Variants in ATP8A2 observed in about 807,000 individuals in gnomAD.
The protein encoded by ATP8A2 is ATPase phospholipid transporting 8A2.
In ATP8A2, 100 loss-of-function variants were observed where a neutral mutation model predicts 165.6. The ratio of observed to expected loss-of-function variants is 0.60; its 90% CI spans 0.51 to 0.71. The LOEUF (loss-of-function observed/expected upper bound fraction) is 0.71. Among genes scored for constraint, ATP8A2 ranks in the 30% least tolerant of loss-of-function variants. The pLI, the probability that ATP8A2 is intolerant of heterozygous loss-of-function variation, is 0.00. For synonymous variants in ATP8A2, 543 were observed against 548.8 expected (o/e 0.99, Z 0.15); for missense variants, 1,227 against 1,479.5 (o/e 0.83, Z 2.80).
intron 1 of ATP8A2, among the ~76,000 whole-genome samples, chr13:25,401,118 G>C (rs979770557): frequency 1.3e-5 from 2 of 152,036 alleles, no homozygotes; most frequent in Admixed American, 6.5e-5. Context: ...GTGAGTGTGC[G>C]GCACAGCTCG....
At chr13:25,982,334 C>G (rs1211588353) in intron 35 of ATP8A2, among the ~76,000 whole-genome samples, 1 of 152,146 alleles carries the variant, frequency 6.6e-6, no homozygotes, top group South Asian at 2.1e-4. Flanking sequence ...TTTGCATGTT[C>G]CCAATTTATG....
intron 26 of ATP8A2, among the ~76,000 whole-genome samples, 161 bp downstream of exon 26, chr13:25,769,390 G>A (rs1472287183): frequency 6.6e-6 from 1 of 152,188 alleles, no homozygotes; most frequent in Admixed American, 6.5e-5. Flanking sequence ...CTCTGTAGTT[G>A]TGATCTTGTG....
chr13:25,575,724 T>TA (rs1335309310), intron 19 of ATP8A2, among the ~76,000 whole-genome samples: 1 of 152,106 alleles, frequency 6.6e-6, no homozygotes, highest in African/African-American at 2.4e-5. Flanking sequence ...GATGGCTGAT[T>TA]ACGGTGGTGG....
At chr13:25,431,504 G>GC (rs1180258408) in intron 1 of ATP8A2, among the ~76,000 whole-genome samples, 1 of 151,896 alleles carries the variant, frequency 6.6e-6, no homozygotes, top group African/African-American at 2.4e-5. Context: ...TTCGGCGGCG[G>GC]GGGGGGAATC....
intron 23 of ATP8A2, among the ~76,000 whole-genome samples, chr13:25,582,464 T>C (rs2039802457): frequency 6.6e-6 from 1 of 152,242 alleles, no homozygotes; most frequent in African/African-American, 2.4e-5. Context: ...CTGCCGTTGT[T>C]AAAGGAGCAC....
chr13:25,593,755 T>C (rs891452467), intron 24 of ATP8A2, among the ~76,000 whole-genome samples: 22 of 152,234 alleles, frequency 1.4e-4, no homozygotes, highest in Non-Finnish European at 2.2e-4. Flanking sequence ...GATTTGCTTT[T>C]AGCCAATTGT....
intron 10 of ATP8A2, 126 bp downstream of exon 10, chr13:25,543,528 C>G (rs1371677137): frequency 6.8e-6 from 4 of 590,846 alleles, no homozygotes; most frequent in Non-Finnish European, 9.0e-6. Context: ...TTGGAAAGAA[C>G]TGCCTTTATT....
chr13:25,601,599 G>A (rs1379813925), intron 24 of ATP8A2, among the ~76,000 whole-genome samples: 1 of 152,148 alleles, frequency 6.6e-6, no homozygotes, highest in Admixed American at 6.5e-5. Flanking sequence ...CAAGTAGGTG[G>A]GACTACAGGC....
Position 25,807,470 on chromosome 13 carries a change from A to G in ATP8A2, c.2680-20648A>G, listed in dbSNP as rs183602111. 2.6e-3 allele frequency among the ~76,000 whole-genome samples: 394 copies of G among 152,332 alleles called. 2 individuals are homozygous for G. Among genetic ancestry groups the G allele is most frequent in the Non-Finnish European group, 3.9e-3 (267 of 68,020 alleles). On this transcript the variant is annotated intron_variant, in intron 27 of 36. Coordinates refer to ENST00000381655, the MANE Select transcript of ATP8A2 (RefSeq NM_016529.6). ...TTTTTCCTATTGAATTGTCTTGGTAACTTGTTGAAAATCAATTGACTAAAA... is the reference window on the plus strand; with the variant it reads ...TTTTTCCTATTGAATTGTCTTGGTAGCTTGTTGAAAATCAATTGACTAAAA...
intron 33 of ATP8A2, among the ~76,000 whole-genome samples, chr13:25,873,418 T>C (rs1201353120): frequency 6.6e-6 from 1 of 152,250 alleles, no homozygotes; most frequent in East Asian, 1.9e-4. Flanking sequence ...TGTGTCACAC[T>C]GCAACCAGCT....
At chr13:25,690,610 T>G (rs971942807) in intron 24 of ATP8A2, among the ~76,000 whole-genome samples, 2 of 152,126 alleles carry the variant, frequency 1.3e-5, no homozygotes, top group African/African-American at 4.8e-5. Flanking sequence ...AAATGCAAAT[T>G]AAAATTACTA....
intron 24 of ATP8A2, among the ~76,000 whole-genome samples, chr13:25,681,286 T>A (rs534002390): frequency 5.4e-4 from 83 of 152,338 alleles, no homozygotes; most frequent in African/African-American, 1.9e-3. Context: ...ATGAATGTTT[T>A]TAATTTGTTA....
intron 28 of ATP8A2, among the ~76,000 whole-genome samples, chr13:25,832,086 C>T (rs142773289): frequency 0.01 from 1,542 of 151,874 alleles, 18 homozygotes; most frequent in African/African-American, 0.035. Context: ...ATTACAGGTG[C>T]GCACCACCAC....
chr13:25,662,972 G>T (rs192918994), intron 24 of ATP8A2, among the ~76,000 whole-genome samples: 1 of 152,226 alleles, frequency 6.6e-6, no homozygotes, highest in Non-Finnish European at 1.5e-5. Flanking sequence ...ATAGCAGAAA[G>T]GGAGCAGGAG....
chr13:25,625,083 C>T (rs535453555), intron 24 of ATP8A2, among the ~76,000 whole-genome samples: 2 of 152,048 alleles, frequency 1.3e-5, no homozygotes, highest in Non-Finnish European at 2.9e-5. Context: ...GAATAGGCAA[C>T]AAGAAAATGT....
intron 2 of ATP8A2, among the ~76,000 whole-genome samples, chr13:25,496,554 A>G (rs915438572): frequency 1.3e-5 from 2 of 152,206 alleles, no homozygotes; most frequent in African/African-American, 4.8e-5. Context: ...GGCTAAATAA[A>G]TGATGCAAAA....
intron 33 of ATP8A2, among the ~76,000 whole-genome samples, chr13:25,875,741 T>G (rs978463139): frequency 1.3e-5 from 2 of 149,484 alleles, no homozygotes; most frequent in Non-Finnish European, 2.9e-5. Context: ...GGCATGATAT[T>G]CATTGATATT....
At chr13:25,835,648 T>C (rs1176091507) in intron 28 of ATP8A2, among the ~76,000 whole-genome samples, 2 of 152,074 alleles carry the variant, frequency 1.3e-5, no homozygotes, top group East Asian at 1.9e-4. Context: ...AGGGCCAACA[T>C]GTCCTGAGTT....
At chr13:25,771,037 CA>C (rs1313142685) in intron 26 of ATP8A2, among the ~76,000 whole-genome samples, 1 of 152,246 alleles carries the variant, frequency 6.6e-6, no homozygotes, top group East Asian at 1.9e-4. Context: ...CTTCTCAGCT[CA>C]CAGTTCTGCA....
Sources: gnomAD v4.1 joint callset for allele counts (sites outside exome capture counted in the v4.1 genomes callset) on GRCh38, gnomAD v4.1.1 for gene constraint, MANE v1.5 for transcripts, NCBI Gene and HGNC (gene_info 2026-07-23, HGNC 2026-07-21) for gene names.